Variants in PACRG observed in about 807,000 individuals in gnomAD.
The protein encoded by PACRG is parkin coregulated gene protein.
PACRG carries 29 observed loss-of-function variants against 29.7 expected under a neutral mutation model. The observed-to-expected ratio is 0.98, with a 90% CI of 0.73 to 1.33. The LOEUF (loss-of-function observed/expected upper bound fraction) is 1.33. Ranked by LOEUF, PACRG falls within the 40% of genes most tolerant of loss-of-function variation. The pLI is 0.00. For synonymous variants in PACRG, 116 were observed against 118.7 expected (o/e 0.98, Z 0.15); for missense variants, 279 against 316.2 (o/e 0.88, Z 0.89).
intron 4 of PACRG, among the ~76,000 whole-genome samples, chr6:163,289,147 C>A (rs985890829): frequency 6.6e-6 from 1 of 152,210 alleles, no homozygotes; most frequent in Non-Finnish European, 1.5e-5. Context: ...ATATCTACCC[C>A]ACATGAGCAG....
chr6:162,886,016 T>C (rs1276239034), intron 2 of PACRG, among the ~76,000 whole-genome samples: 1 of 152,206 alleles, frequency 6.6e-6, no homozygotes, highest in Non-Finnish European at 1.5e-5. Flanking sequence ...AAGTTCTTTC[T>C]GATGCAGAAT....
intron 1 of PACRG, among the ~76,000 whole-genome samples, chr6:162,772,778 A>G (rs1459468392): frequency 6.6e-6 from 1 of 152,242 alleles, no homozygotes; most frequent in South Asian, 2.1e-4. Context: ...CCAGGGGTAT[A>G]AATTCCAAAA....
chr6:163,138,087 TAGC>T (rs1817009742), intron 4 of PACRG, among the ~76,000 whole-genome samples: 1 of 152,218 alleles, frequency 6.6e-6, no homozygotes, highest in South Asian at 2.1e-4. Context: ...CCTGGGGCAT[TAGC>T]AGATCCAAGT....
intron 2 of PACRG, among the ~76,000 whole-genome samples, chr6:162,985,546 C>A (rs1482706142): frequency 3.3e-5 from 5 of 151,896 alleles, no homozygotes; most frequent in Non-Finnish European, 7.4e-5. Context: ...CAGTATAGAA[C>A]AGACATATCT....
At chr6:162,782,310 A>G (rs538741583) in intron 1 of PACRG, among the ~76,000 whole-genome samples, 52 of 152,050 alleles carry the variant, frequency 3.4e-4, no homozygotes, top group Admixed American at 9.8e-4. Flanking sequence ...TCAAGAACAG[A>G]TGGAACAAGT....
At chr6:162,757,751 G>C (rs990369605) in intron 1 of PACRG, among the ~76,000 whole-genome samples, 1 of 151,972 alleles carries the variant, frequency 6.6e-6, no homozygotes, top group Non-Finnish European at 1.5e-5. Flanking sequence ...AAACATGGTT[G>C]CTACACATGC....
chr6:163,275,472 G>C (rs935742489), intron 4 of PACRG, among the ~76,000 whole-genome samples: 3 of 152,028 alleles, frequency 2.0e-5, no homozygotes, highest in Non-Finnish European at 4.4e-5. Flanking sequence ...TCTCATAAAG[G>C]CAAGAAATGA....
chr6:163,276,877 C>T (rs1332710410), intron 4 of PACRG, among the ~76,000 whole-genome samples: 1 of 152,168 alleles, frequency 6.6e-6, no homozygotes, highest in Non-Finnish European at 1.5e-5. Context: ...ATGTTGTTTA[C>T]AAATTACCCA....
chr6:163,028,692 G>C (rs1460616609), intron 2 of PACRG, among the ~76,000 whole-genome samples: 4 of 152,192 alleles, frequency 2.6e-5, no homozygotes, highest in Admixed American at 2.6e-4. Flanking sequence ...GACATTGGTA[G>C]TGCTTTACTT....
intron 2 of PACRG, among the ~76,000 whole-genome samples, chr6:162,947,259 A>G (rs1442497547): frequency 7.0e-6 from 1 of 143,408 alleles, no homozygotes; most frequent in Non-Finnish European, 1.5e-5. Flanking sequence ...TATATCATAT[A>G]TAATCTATAT....
intron 2 of PACRG, among the ~76,000 whole-genome samples, chr6:163,040,697 C>A (rs1469738584): frequency 3.3e-5 from 5 of 152,176 alleles, no homozygotes; most frequent in Admixed American, 3.3e-4. Context: ...GACTGCCCAG[C>A]CAGTTTTCAG....
At chr6:162,963,452 G>T (rs1202608811) in intron 2 of PACRG, among the ~76,000 whole-genome samples, 1 of 151,732 alleles carries the variant, frequency 6.6e-6, no homozygotes, top group East Asian at 1.9e-4. Context: ...TAATGACATA[G>T]AATAAAACAG....
intron 2 of PACRG, among the ~76,000 whole-genome samples, chr6:162,951,827 G>C (rs1799675001): frequency 6.6e-6 from 1 of 152,090 alleles, no homozygotes; most frequent in Non-Finnish European, 1.5e-5. Context: ...TCAGTTTTTT[G>C]CTCTCGTTGT....
intron 2 of PACRG, among the ~76,000 whole-genome samples, chr6:162,963,660 T>C (rs1800809925): frequency 6.6e-6 from 1 of 150,826 alleles, no homozygotes; most frequent in East Asian, 1.9e-4. Flanking sequence ...TTATTGCACA[T>C]TTTATATATA....
At chr6:162,947,647 TACAC>T (rs1562767815) in intron 2 of PACRG, among the ~76,000 whole-genome samples, 1 of 56,610 alleles carries the variant, frequency 1.8e-5, no homozygotes, top group African/African-American at 7.7e-5. Context: ...TATATATATA[TACAC>T]CCAAAGATTC....
At chr6:163,181,815 C>A (rs2128354343) in intron 4 of PACRG, among the ~76,000 whole-genome samples, 1 of 152,226 alleles carries the variant, frequency 6.6e-6, no homozygotes, top group Admixed American at 6.5e-5. Flanking sequence ...CTGAGTCCCA[C>A]CCAGCCAGCT....
At chr6:162,995,230 A>G (rs1242706539) in intron 2 of PACRG, among the ~76,000 whole-genome samples, 123 of 148,990 alleles carry the variant, frequency 8.3e-4, no homozygotes, top group Non-Finnish European at 1.4e-3. Flanking sequence ...TGGAGCCTAC[A>G]GAGGCAGGCA....
intron 4 of PACRG, among the ~76,000 whole-genome samples, chr6:163,187,223 C>T (rs1285683597): frequency 6.6e-6 from 1 of 152,184 alleles, no homozygotes; most frequent in Non-Finnish European, 1.5e-5. Context: ...CTCACATCCG[C>T]TCCTCCGTTG....
At chr6:163,309,095 G>A (rs1402971967) in intron 4 of PACRG, among the ~76,000 whole-genome samples, 1 of 152,174 alleles carries the variant, frequency 6.6e-6, no homozygotes, top group African/African-American at 2.4e-5. Flanking sequence ...GGGAACACAT[G>A]GCAAGGCGAT....
Sources: allele counts gnomAD v4.1 joint callset (sites outside exome capture counted in the v4.1 genomes callset), GRCh38; gene constraint gnomAD v4.1.1; transcripts MANE v1.5; gene names NCBI Gene and HGNC (gene_info 2026-07-23, HGNC 2026-07-21).